CHP1: variants seen among roughly 807,000 people sequenced by gnomAD.
CHP1 encodes the protein calcineurin like EF-hand protein 1.
CHP1 carries 11 observed loss-of-function variants against 27.4 expected under a neutral mutation model. The observed-to-expected ratio is 0.40, with a 90% CI of 0.25 to 0.67. CHP1 has a LOEUF of 0.67. Among genes scored for constraint, CHP1 ranks in the 30% least tolerant of loss-of-function variants. The probability of loss-of-function intolerance (pLI) is 0.38; values close to 1 mark genes in which losing one functional copy is unlikely to be tolerated. For synonymous variants in CHP1, 89 were observed against 87.4 expected (o/e 1.02, Z -0.10); for missense variants, 169 against 251.3 (o/e 0.67, Z 2.22).
intron 2 of CHP1, 149 bp from the exon 3 acceptor site, chr15:41,256,761 A>G (rs751074923): frequency 1.0e-5 from 7 of 683,870 alleles, no homozygotes; most frequent in African/African-American, 3.6e-5. Flanking sequence ...TTAAAGTGCT[A>G]TTCTTTGCAG....
intron 2 of CHP1, among the ~76,000 whole-genome samples, chr15:41,251,311 C>A (rs2047365392): frequency 6.6e-6 from 1 of 152,142 alleles, no homozygotes; most frequent in South Asian, 2.1e-4. Context: ...TTACCTGCTC[C>A]CCTCCCCAAA....
Position 41,243,111 on chromosome 15 carries a change from G to A in CHP1, c.68-556G>A, listed in dbSNP as rs1397616557. ...TCCCAGCAGTTTGGGAGGCTGAGGCGAGTGGATCACCTGAGGTCAGGAGTT... is the reference window on the plus strand; with the variant it reads ...TCCCAGCAGTTTGGGAGGCTGAGGCAAGTGGATCACCTGAGGTCAGGAGTT... On this transcript the variant is annotated intron_variant, in intron 1 of 6. Coordinates refer to ENST00000334660, the MANE Select transcript of CHP1 (RefSeq NM_007236.5). 2.0e-5 allele frequency among the ~76,000 whole-genome samples: 3 copies of A among 151,744 alleles called. 1 individual carries two copies. Among genetic ancestry groups the A allele is most frequent in the Admixed American group, 1.3e-4 (2 of 15,226 alleles).
intron 3 of CHP1, among the ~76,000 whole-genome samples, chr15:41,257,289 A>G (rs144690503): frequency 1.3e-5 from 2 of 152,272 alleles, no homozygotes; most frequent in East Asian, 3.9e-4. Context: ...AAAAGTTGCA[A>G]AAGTTAAAAG....
chr15:41,238,950 TG>T (rs1331914467), intron 1 of CHP1, among the ~76,000 whole-genome samples: 1 of 152,192 alleles, frequency 6.6e-6, no homozygotes, highest in African/African-American at 2.4e-5. Context: ...GTGCAGGTTT[TG>T]GGCACCTATC....
intron 2 of CHP1, among the ~76,000 whole-genome samples, chr15:41,250,513 G>A (rs991855688): frequency 3.9e-5 from 6 of 152,002 alleles, no homozygotes; most frequent in Admixed American, 2.6e-4. Context: ...GTTGCAGTGA[G>A]CCAAGATCAT....
rs564333524 is a variant in CHP1, at chr15:41,246,593, A to C, written c.140+2854A>C. ...TTGGCCTCCCAAAGTGCTGGGATTAAAGGTGCGAGCCACCGTGCCTGGCCA... is the reference window on the plus strand; with the variant it reads ...TTGGCCTCCCAAAGTGCTGGGATTACAGGTGCGAGCCACCGTGCCTGGCCA... On this transcript the variant is annotated intron_variant, in intron 2 of 6. Coordinates refer to ENST00000334660, the MANE Select transcript of CHP1 (RefSeq NM_007236.5). Among the ~76,000 whole-genome samples, 175 of 148,190 alleles carry C rather than the reference A, an allele frequency of 1.2e-3. 1 individual carries two copies. Among genetic ancestry groups the C allele is most frequent in the African/African-American group, 4.1e-3 (166 of 40,182 alleles).
intron 1 of CHP1, among the ~76,000 whole-genome samples, chr15:41,241,044 G>A (rs1267966867): frequency 6.6e-6 from 1 of 152,128 alleles, no homozygotes; most frequent in African/African-American, 2.4e-5. Context: ...GTAGAGACGA[G>A]GTTTCGCCAT....
chr15:41,265,205 A>G (rs532104111), intron 4 of CHP1, among the ~76,000 whole-genome samples: 8 of 151,368 alleles, frequency 5.3e-5, no homozygotes, highest in Non-Finnish European at 1.2e-4. Context: ...CTACAAAAAT[A>G]CAAAAAAAAT....
In CHP1 at chr15:41,270,596, T is replaced by C; in HGVS notation, c.389T>C (p.Ile130Thr). Residue 130 changes from isoleucine to threonine, a missense_variant, in exon 5 of 7, where the codon ATC becomes ACC. Coordinates refer to ENST00000334660, the MANE Select transcript of CHP1 (RefSeq NM_007236.5). ...RLYDLDKDEK[I>T]SRDELLQVLR... The stretch of plus-strand genomic sequence containing the variant: ...TATGATTTGGATAAAGATGAAAAGA[T>C]CTCCCGTGATGAGCTGTTACAGGTA... 1 of 1,614,030 alleles carries C rather than the reference T, an allele frequency of 6.2e-7. No individual in the cohort carries two copies.
intron 2 of CHP1, among the ~76,000 whole-genome samples, chr15:41,245,495 ACTT>A (rs952874879): frequency 1.3e-5 from 2 of 152,132 alleles, no homozygotes; most frequent in African/African-American, 2.4e-5. Context: ...AAACAAACTG[ACTT>A]CTTCTACTTA....
chr15:41,278,382 T>C (rs1321436851), intron 5 of CHP1, among the ~76,000 whole-genome samples: 1 of 151,594 alleles, frequency 6.6e-6, no homozygotes, highest in Non-Finnish European at 1.5e-5. Context: ...GGTTCAGGGC[T>C]ACATATGCAG....
At chr15:41,248,263 C>T (rs2047346555) in intron 2 of CHP1, among the ~76,000 whole-genome samples, 1 of 152,048 alleles carries the variant, frequency 6.6e-6, no homozygotes, top group Admixed American at 6.6e-5. Flanking sequence ...GTTCTCCCAC[C>T]TCAGCTGCCC....
intron 5 of CHP1, among the ~76,000 whole-genome samples, chr15:41,278,557 A>G (rs117888456): frequency 0.014 from 2,070 of 152,084 alleles, 27 homozygotes; most frequent in Non-Finnish European, 0.022. Flanking sequence ...TTTTGTGTCT[A>G]TGTGTTCTCA....
intron 5 of CHP1, among the ~76,000 whole-genome samples, chr15:41,278,037 CA>C (rs2047527973): frequency 6.6e-6 from 1 of 150,896 alleles, no homozygotes; most frequent in Admixed American, 6.6e-5. Flanking sequence ...TCTTTTTTAA[CA>C]AATTTTTTGG....
At chr15:41,234,859 CTA>C (rs1202684873) in intron 1 of CHP1, among the ~76,000 whole-genome samples, 2 of 152,138 alleles carry the variant, frequency 1.3e-5, no homozygotes, top group African/African-American at 4.8e-5. Context: ...GTTATAAAAA[CTA>C]TGTGTAGGGC....
At chr15:41,245,839 G>C (rs2047331750) in intron 2 of CHP1, among the ~76,000 whole-genome samples, 1 of 152,130 alleles carries the variant, frequency 6.6e-6, no homozygotes, top group Non-Finnish European at 1.5e-5. Context: ...ATTTCTTTCA[G>C]TGCTTGTGCT....
At chr15:41,248,597 A>C (rs1424854698) in intron 2 of CHP1, among the ~76,000 whole-genome samples, 1 of 152,026 alleles carries the variant, frequency 6.6e-6, no homozygotes, top group Non-Finnish European at 1.5e-5. Flanking sequence ...CTGTTCTTTG[A>C]TCTCTATCAT....
Position 41,279,547 on chromosome 15 carries a change from C to G in CHP1, c.*158C>G. On this transcript the variant is annotated 3_prime_UTR_variant, in exon 7 of 7. Coordinates refer to ENST00000334660, the MANE Select transcript of CHP1 (RefSeq NM_007236.5). ...ATATGTTCTGTCAACACAAACCTGC[C>G]TTTGGTGTATAAACAGGGCATTACA... 1.6e-6 allele frequency: 1 copy of G among 637,846 alleles called. No homozygotes were observed. The highest frequency in any genetic ancestry group is 2.7e-5 in the East Asian group (1 of 36,452). 39.5% of individuals were successfully genotyped at this position (637,846 alleles called of 1,614,324 possible). A position where few individuals can be genotyped will look rare whatever the true frequency, so the allele number is the denominator to read the frequency against.
At chr15:41,247,435 C>T (rs1437308848) in intron 2 of CHP1, among the ~76,000 whole-genome samples, 4 of 151,510 alleles carry the variant, frequency 2.6e-5, no homozygotes, top group Non-Finnish European at 1.5e-5. Flanking sequence ...TTTGGGAGGC[C>T]GAGATGGGTG....
Sources: gnomAD v4.1 joint callset for allele counts (sites outside exome capture counted in the v4.1 genomes callset) on GRCh38, gnomAD v4.1.1 for gene constraint, MANE v1.5 for transcripts, NCBI Gene and HGNC (gene_info 2026-07-23, HGNC 2026-07-21) for gene names.